The following ATG16L2 variants were observed in gnomAD, a reference collection of about 807,000 sequenced individuals.
The protein encoded by ATG16L2 is autophagy related 16 like 2.
In ATG16L2, 77 loss-of-function variants were observed where a neutral mutation model predicts 84.7. The observed-to-expected ratio is 0.91, with a 90% CI of 0.76 to 1.10. The LOEUF (loss-of-function observed/expected upper bound fraction) is 1.10. Ranked by LOEUF, ATG16L2 falls within the 50% of genes least tolerant of loss-of-function variation. ATG16L2 has a pLI of 0.00. For synonymous variants in ATG16L2, 361 were observed against 342.8 expected (o/e 1.05, Z -0.59); for missense variants, 782 against 817.6 (o/e 0.96, Z 0.53).
At chr11:72,826,375 C>T (rs1860356143) in intron 11 of ATG16L2, 132 bp downstream of exon 11, 2 of 1,424,612 alleles carry the variant, frequency 1.4e-6, no homozygotes, top group African/African-American at 1.4e-5. Flanking sequence ...TACACAGATC[C>T]TCCTCCTTGG....
chr11:72,823,911 G>A (rs71477744), intron 7 of ATG16L2, 149 bp from the exon 8 acceptor site: 5 of 872,352 alleles, frequency 5.7e-6, no homozygotes, highest in Non-Finnish European at 7.9e-6. Flanking sequence ...GGGTCACCCT[G>A]GTCTCCTGAT....
At position 72,822,490 on chromosome 11, in the gene ATG16L2, G is replaced by A. The variant is rs746480218; in HGVS notation, c.657G>A (p.Ala219=). 2 of 1,612,970 alleles carry A rather than the reference G, an allele frequency of 1.2e-6. No individual in the cohort carries two copies. The highest frequency in any genetic ancestry group is 4.5e-5 in the East Asian group (2 of 44,808). ...TTTACCCAACAAGGGCCAAGCAGGC[G>A]CGGGTGTCCCAGGAGCTGAAGAAGG... ...RNERRERAKQ[A]RVSQELKKAA... is the part of the protein sequence containing the mutation. Residue 219 remains alanine, a synonymous_variant, in exon 6 of 18, where the codon GCG becomes GCA. Coordinates refer to ENST00000321297, the MANE Select transcript of ATG16L2 (RefSeq NM_033388.2). The surrounding 1 kb of genome is among the most constrained non-coding windows in gnomAD (Gnocchi z 4.2).
In ATG16L2 at chr11:72,822,035, G is replaced by A. The variant is rs748199017; in HGVS notation, c.393-9G>A. ...TTGGGACCCGCTATCCGCTCTTTCC[G>A]TCCTCCAGGCTGGCAGCCCTGGAGG... is the stretch of plus-strand genomic sequence containing the variant. On this transcript the variant is annotated splice_polypyrimidine_tract_variant and intron_variant, in intron 4 of 17. Coordinates refer to ENST00000321297, the MANE Select transcript of ATG16L2 (RefSeq NM_033388.2). This position sits in a 1 kb window ranked among gnomAD's most constrained non-coding sequence, Gnocchi z 4.2. 109 of 1,495,854 alleles carry A rather than the reference G, an allele frequency of 7.3e-5. No homozygotes were observed. Among genetic ancestry groups the A allele is most frequent in the Non-Finnish European group, 9.2e-5 (105 of 1,138,474 alleles). 92.7% of individuals were successfully genotyped at this position (1,495,854 alleles called of 1,614,324 possible). A position where few individuals can be genotyped will look rare whatever the true frequency, so the allele number is the denominator to read the frequency against.
chr11:72,820,914 C>T (rs1188276524), intron 3 of ATG16L2, among the ~76,000 whole-genome samples: 2 of 152,192 alleles, frequency 1.3e-5, no homozygotes, highest in Non-Finnish European at 2.9e-5. Context: ...GGGCTGCCAG[C>T]GCTGTTCCCA....
At position 72,838,850 on chromosome 11, in the gene ATG16L2, T is replaced by C. The variant is rs1262001030; in HGVS notation, c.*22-3767T>C. ...TCTGCTGGCCTTCGGTGATTCTGTG[T>C]AGGTGGAGGGGGAGCTGCCCGGACC... On this transcript the variant is annotated intron_variant, in intron 5 of 5. Transcript: ENST00000534905. 3.1e-6 allele frequency: 5 copies of C among 1,608,242 alleles called. No homozygotes were observed. In the African/African-American group the frequency reaches 5.3e-5, roughly 17 times the overall value.
intron 13 of ATG16L2, 139 bp from the exon 14 acceptor site, chr11:72,827,049 C>T: frequency 1.2e-6 from 1 of 843,452 alleles, no homozygotes; most frequent in East Asian, 2.6e-5. Context: ...GTGGGTGAGC[C>T]CTGTGCTGGG....
At chr11:72,828,230 C>A in intron 14 of ATG16L2, 129 bp from the exon 15 acceptor site, 1 of 1,029,756 alleles carries the variant, frequency 9.7e-7, no homozygotes, top group East Asian at 2.5e-5. Context: ...AGCCTTTACC[C>A]CAGCGATCCA....
rs750822410 is a variant in ATG16L2 at position 72,825,364 on chromosome 11, T to G, written c.1059T>G (p.Thr353=). ...GCCCCAACAGCAGCCTCCTGGCCACTGGAGGGGCTGACCGCCTGATCCACC... is the reference window on the plus strand; with the variant it reads ...GCCCCAACAGCAGCCTCCTGGCCACGGGAGGGGCTGACCGCCTGATCCACC... ...RFGPNSSLLA[T]GGADRLIHLW... The change falls in exon 10 of 18, where the codon ACT becomes ACG. Residue 353 remains threonine (T), a synonymous_variant. Transcript: ENST00000321297. 16 of 1,613,244 alleles carry G rather than the reference T, an allele frequency of 9.9e-6. No individual in the cohort carries two copies. The highest frequency in any genetic ancestry group is 1.3e-5 in the Non-Finnish European group (15 of 1,179,966).
chr11:72,821,657 T>C lies in ATG16L2; in HGVS notation c.319-11T>C. On this transcript the variant is annotated splice_polypyrimidine_tract_variant and intron_variant, in intron 3 of 17. Coordinates refer to ENST00000321297, the MANE Select transcript of ATG16L2 (RefSeq NM_033388.2). ...GCCTCAGCGCCGCCGTGCCCACCTG[T>C]CCGCCCCCAGATGGCCTACCAGGTG... 6.5e-7 allele frequency: 1 copy of C among 1,532,718 alleles called. No homozygotes were observed. Among genetic ancestry groups the C allele is most frequent in the Non-Finnish European group, 8.7e-7 (1 of 1,144,242 alleles). The allele number at this position is 1,532,718 out of a possible 1,614,324, so 94.9% of individuals were successfully genotyped here. A position where few individuals can be genotyped will look rare whatever the true frequency, so the allele number is the denominator to read the frequency against.
At chr11:72,826,045 T>C (rs1053207925) in intron 10 of ATG16L2, 128 bp from the exon 11 acceptor site, 2 of 739,664 alleles carry the variant, frequency 2.7e-6, no homozygotes, top group South Asian at 1.7e-5. Context: ...GACCCAGCGA[T>C]TCTGTCTTCT....
In ATG16L2 at chr11:72,822,043, G is replaced by A. The variant is rs977253983; in HGVS notation, c.393-1G>A. On this transcript the variant is annotated splice_acceptor_variant, in intron 4 of 17. Transcript: ENST00000321297. LOFTEE classifies it high-confidence loss of function. The surrounding 1 kb of genome is among the most constrained non-coding windows in gnomAD (Gnocchi z 4.2). Reference sequence around the variant, plus strand: ...CGCTATCCGCTCTTTCCGTCCTCCAGGCTGGCAGCCCTGGAGGCCCGCGTG... The same window carrying A: ...CGCTATCCGCTCTTTCCGTCCTCCAAGCTGGCAGCCCTGGAGGCCCGCGTG... 1 of 1,498,140 alleles carries A rather than the reference G, an allele frequency of 6.7e-7. No homozygotes were observed. Among genetic ancestry groups the A allele is most frequent in the African/African-American group, 1.4e-5 (1 of 69,514 alleles). The allele number at this position is 1,498,140 out of a possible 1,614,324, so 92.8% of individuals were successfully genotyped here. A position where few individuals can be genotyped will look rare whatever the true frequency, so the allele number is the denominator to read the frequency against.
intron 5 of ATG16L2, chr11:72,842,609 C>T (rs747538666): frequency 6.2e-7 from 1 of 1,613,904 alleles, no homozygotes; most frequent in South Asian, 1.1e-5. Flanking sequence ...AACTGTCTCC[C>T]CTCTCAGGTA....
At position 72,822,660 on chromosome 11, in the gene ATG16L2, G is replaced by T; in HGVS notation, c.710+117G>T. 7.2e-7 allele frequency: 1 copy of T among 1,397,150 alleles called. No homozygotes were observed. The highest frequency in any genetic ancestry group is 1.3e-5 in the South Asian group (1 of 77,974). The allele number at this position is 1,397,150 out of a possible 1,614,324, so 86.5% of individuals were successfully genotyped here. A position where few individuals can be genotyped will look rare whatever the true frequency, so the allele number is the denominator to read the frequency against. On this transcript the variant is annotated intron_variant, in intron 6 of 17. Coordinates refer to ENST00000321297, the MANE Select transcript of ATG16L2 (RefSeq NM_033388.2). This position sits in a 1 kb window ranked among gnomAD's most constrained non-coding sequence, Gnocchi z 4.2. ...CAGCCCCGTCCTGAGGCCCCCATGT[G>T]GTCGGAGCCCACGAGACACCTGCAG...
In ATG16L2 at chr11:72,828,510, T is replaced by C. The variant is rs756376046; in HGVS notation, c.1622+2T>C. 6.2e-7 allele frequency: 1 copy of C among 1,614,170 alleles called. No individual in the cohort carries two copies. The highest frequency in any genetic ancestry group is 8.5e-7 in the Non-Finnish European group (1 of 1,180,038). ...CAGCAACATCCGCCAGGTGTTCAGG[T>C]ACCAGCCTCATGCCTGCTGACCCTG... On this transcript the variant is annotated splice_donor_variant, in intron 15 of 17. Coordinates refer to ENST00000321297, the MANE Select transcript of ATG16L2 (RefSeq NM_033388.2). LOFTEE classifies it high-confidence loss of function.
intron 2 of ATG16L2, 32 bp from the exon 3 acceptor site, chr11:72,817,724 G>A: frequency 6.2e-6 from 10 of 1,608,722 alleles, no homozygotes; most frequent in South Asian, 1.1e-5. Flanking sequence ...GTGAACCGGG[G>A]GACATTGAGC....
At chr11:72,818,006 C>T in intron 3 of ATG16L2, 151 bp downstream of exon 3, 1 of 726,378 alleles carries the variant, frequency 1.4e-6, no homozygotes, top group Non-Finnish European at 2.2e-6. Context: ...TGACCTGAAG[C>T]TGAGCAGGGG....
chr11:72,838,604 C>CAAAA, intron 5 of ATG16L2: 1 of 482,616 alleles, frequency 2.1e-6, no homozygotes, highest in South Asian at 2.6e-5. Context: ...AAAATGACAA[C>CAAAA]AAAAAAAAAA....
Position 72,822,959 on chromosome 11 carries a change from C to A in ATG16L2, c.822C>A (p.Phe274Leu). 6.4e-7 allele frequency: 1 copy of A among 1,559,072 alleles called. No individual in the cohort carries two copies. Among genetic ancestry groups the A allele is most frequent in the East Asian group, 2.4e-5 (1 of 42,322 alleles). The change falls in exon 7 of 18, where the codon TTC (phenylalanine) becomes TTA (leucine). Residue 274 changes from phenylalanine to leucine, a missense_variant and splice_region_variant. Phe to Leu is a conservative substitution (Grantham distance 22). Coordinates refer to ENST00000321297, the MANE Select transcript of ATG16L2 (RefSeq NM_033388.2). The surrounding 1 kb of genome is among the most constrained non-coding windows in gnomAD (Gnocchi z 4.2). ...CTTGTGAGAAGTGGAAGAGGCCCTT[C>A]AGGTGAGGACCCAGGTGACAGTCTC... ...KEACEKWKRP[F>L]RSASATSLTL... is the part of the protein sequence containing the mutation.
At chr11:72,841,370 TG>T in intron 5 of ATG16L2, 1 of 797,612 alleles carries the variant, frequency 1.3e-6, no homozygotes, top group Non-Finnish European at 1.8e-6. Flanking sequence ...AAAAAGCAAA[TG>T]CAGTTTTTTT....
Sources: gnomAD v4.1 joint callset for allele counts (sites outside exome capture counted in the v4.1 genomes callset) on GRCh38, gnomAD v4.1.1 for gene constraint, Gnocchi (gnomAD v3.1) non-coding constraint, MANE v1.5 for transcripts, NCBI Gene and HGNC (gene_info 2026-07-23, HGNC 2026-07-21) for gene names.